ACSL6: variants seen among roughly 807,000 people sequenced by gnomAD.
The protein encoded by ACSL6 is acyl-CoA synthetase long chain family member 6.
Under a neutral mutation model 98.2 loss-of-function variants are expected in ACSL6, and 47 were observed. The ratio of observed to expected loss-of-function variants is 0.48; its 90% CI spans 0.38 to 0.61. The LOEUF (loss-of-function observed/expected upper bound fraction) is 0.61, where lower values mean the gene tolerates loss of function less well. ACSL6 is among the 20% of genes least tolerant of loss of function. The pLI, the probability that ACSL6 is intolerant of heterozygous loss-of-function variation, is 0.00. For missense variants in ACSL6, 761 were observed against 913.4 expected (o/e 0.83, Z 2.15); for synonymous variants, 362 against 336.9 (o/e 1.07, Z -0.82).
At chr5:131,986,938 C>T in intron 7 of ACSL6, 84 bp from the exon 8 acceptor site, 1 of 1,396,464 alleles carries the variant, frequency 7.2e-7, no homozygotes, top group Non-Finnish European at 1.0e-6. Context: ...CTCTTTCTCT[C>T]ACACACGCAC....
intron 4 of ACSL6, 80 bp downstream of exon 4, chr5:131,990,020 G>T (rs1181005099): frequency 6.9e-7 from 1 of 1,455,896 alleles, no homozygotes; most frequent in Admixed American, 1.9e-5. Context: ...GACCCAGCAG[G>T]TGCCCACATC....
chr5:132,006,568 ACCAGACCAT>A (rs1282055808), intron 1 of ACSL6: 1 of 152,306 alleles, frequency 6.6e-6, no homozygotes, highest in East Asian at 1.9e-4. Flanking sequence ...GGAGCATCAC[ACCAGACCAT>A]CCAGTGAGGT....
At chr5:132,004,367 T>C (rs1755267711) in intron 1 of ACSL6, among the ~76,000 whole-genome samples, 1 of 151,974 alleles carries the variant, frequency 6.6e-6, no homozygotes, top group African/African-American at 2.4e-5. Flanking sequence ...CCAGGAGAAA[T>C]AGCACAGCAA....
chr5:131,977,984 C>G (rs1212898856), intron 9 of ACSL6, among the ~76,000 whole-genome samples: 1 of 152,230 alleles, frequency 6.6e-6, no homozygotes, highest in African/African-American at 2.4e-5. Flanking sequence ...CTCAACCTAA[C>G]ACCCGAGCTA....
chr5:131,993,285 G>C (rs1432649250), intron 2 of ACSL6: 3 of 152,396 alleles, frequency 2.0e-5, no homozygotes, highest in Non-Finnish European at 2.9e-5. Flanking sequence ...GTATGTGGTG[G>C]ATATGAGTGA....
At chr5:131,959,756 C>A (rs557128140) in intron 19 of ACSL6, 149 bp from the exon 20 acceptor site, 143 of 692,260 alleles carry the variant, frequency 2.1e-4, no homozygotes, top group African/African-American at 1.8e-3. Context: ...TACTCCCTGG[C>A]AACACTCCAA....
intron 1 of ACSL6, among the ~76,000 whole-genome samples, chr5:132,010,853 C>A (rs966325757): frequency 6.6e-6 from 1 of 152,056 alleles, no homozygotes; most frequent in African/African-American, 2.4e-5. Context: ...AGCGCGGAGG[C>A]GGGATCGAGC....
At chr5:131,964,140 A>T (rs1040524700) in intron 17 of ACSL6, among the ~76,000 whole-genome samples, 2 of 152,242 alleles carry the variant, frequency 1.3e-5, no homozygotes, top group African/African-American at 4.8e-5. Flanking sequence ...TTCCAAAAAA[A>T]TGGGGAAAAA....
In ACSL6 at chr5:132,004,443, G is replaced by T. The variant is rs370835232; in HGVS notation, c.49+7062C>A. Among the ~76,000 whole-genome samples the T allele has an allele frequency of 2.8e-4, 43 of 152,276 alleles. No homozygotes were observed. In the South Asian group the frequency reaches 8.3e-3, roughly 29 times the overall value. Reference sequence around the variant, plus strand: ...TCTAGGACAAAACCACTTTGGAGTTGATTTTGAACCAACAGGTGGGTTGGT... The same window carrying T: ...TCTAGGACAAAACCACTTTGGAGTTTATTTTGAACCAACAGGTGGGTTGGT... On this transcript the variant is annotated intron_variant, in intron 1 of 20. Coordinates refer to ENST00000651883, the MANE Select transcript of ACSL6 (RefSeq NM_001009185.3).
chr5:131,954,266 G>A lies in ACSL6; in HGVS notation c.2137C>T (p.Gln713Ter). ...RPELREYFKK[Q>*]IEELYSISM ...GAGATTGAGTAAAGCTCTTCTATTT[G>A]TTTTTTGAAGTACTCTCTCAGCTCA... is the stretch of plus-strand genomic sequence containing the variant. Residue 713 changes from glutamine (Q) to a stop codon, truncating the protein, a stop_gained, in exon 21 of 21, where the codon CAA (glutamine) becomes TAA (stop). Transcript: ENST00000651883. LOFTEE classifies it high-confidence loss of function. 6.2e-7 allele frequency: 1 copy of A among 1,613,478 alleles called. No homozygotes were observed. The highest frequency in any genetic ancestry group is 8.5e-7 in the Non-Finnish European group (1 of 1,179,830).
rs1360870089 is a variant in ACSL6 at position 131,951,584 on chromosome 5, T to G, written c.*2650A>C. The stretch of plus-strand genomic sequence containing the variant: ...AAAAAGAAGAAACCTTGTTTTTGTT[T>G]TTTTTTTTTCTTTCTTTTTGAGACG... On this transcript the variant is annotated 3_prime_UTR_variant, in exon 21 of 21. Transcript: ENST00000651883. The G allele has an allele frequency of 5.5e-6, 1 of 182,700 alleles. No homozygotes were observed. Among genetic ancestry groups the G allele is most frequent in the East Asian group, 8.8e-5 (1 of 11,400 alleles). 11.3% of individuals were successfully genotyped at this position (182,700 alleles called of 1,614,324 possible).
At chr5:131,956,573 T>C (rs1221034894) in intron 20 of ACSL6, among the ~76,000 whole-genome samples, 2 of 152,182 alleles carry the variant, frequency 1.3e-5, no homozygotes, top group African/African-American at 4.8e-5. Context: ...ATTTAAATGC[T>C]TCTATGAAAA....
chr5:131,996,249 T>G (rs1288285332), intron 1 of ACSL6, among the ~76,000 whole-genome samples: 1 of 152,246 alleles, frequency 6.6e-6, no homozygotes, highest in African/African-American at 2.4e-5. Flanking sequence ...CCAATTCAGC[T>G]TCTGCATAAT....
chr5:131,972,828 G>C lies in ACSL6; in HGVS notation c.1234C>G (p.Arg412Gly). The stretch of plus-strand genomic sequence containing the variant: ...TTTGCTGCAAACTCCAGGAGCCAGC[G>C]CTTTAATGGTGTGTTTGCCTGGCTG... ...IFSQANTPLKRWLLEFAAKRK... is the reference protein window; with the variant it reads ...IFSQANTPLKGWLLEFAAKRK... The change falls in exon 13 of 21, where the codon CGC becomes GGC. Residue 412 changes from arginine to glycine, a missense_variant. Arg to Gly is a moderately radical substitution (Grantham distance 125, BLOSUM62 -2). Transcript: ENST00000651883. 6.2e-7 allele frequency: 1 copy of C among 1,614,178 alleles called. No homozygotes were observed. Among genetic ancestry groups the C allele is most frequent in the Non-Finnish European group, 8.5e-7 (1 of 1,180,036 alleles).
chr5:131,999,224 G>A (rs1754940799), intron 1 of ACSL6, among the ~76,000 whole-genome samples: 1 of 152,182 alleles, frequency 6.6e-6, no homozygotes, highest in Non-Finnish European at 1.5e-5. Flanking sequence ...ATAGCTGTGT[G>A]GCCTTGGGCA....
In ACSL6 at chr5:131,976,123, T is replaced by C. The variant is rs545792084; in HGVS notation, c.990+525A>G. ...AAAGTCCTCCTTTGTTAGCCAGTTA[T>C]AAAATGCTAACATGCTTTGGTCAGG... On this transcript the variant is annotated intron_variant, in intron 10 of 20. Coordinates refer to ENST00000651883, the MANE Select transcript of ACSL6 (RefSeq NM_001009185.3). 18 of 985,466 alleles carry C rather than the reference T, an allele frequency of 1.8e-5. 1 individual carries two copies. The East Asian group carries it at 1.8e-3, about 99-fold the overall frequency. The allele number at this position is 985,466 out of a possible 1,614,324, so 61.0% of individuals were successfully genotyped here. A position where few individuals can be genotyped will look rare whatever the true frequency, so the allele number is the denominator to read the frequency against.
chr5:131,963,364 T>C (rs552805256), intron 17 of ACSL6, among the ~76,000 whole-genome samples: 12 of 152,298 alleles, frequency 7.9e-5, no homozygotes, highest in African/African-American at 2.6e-4. Flanking sequence ...GTGGGCCTCT[T>C]TCCCCTCACC....
At chr5:131,968,315 A>G in intron 15 of ACSL6, 1 of 287,292 alleles carries the variant, frequency 3.5e-6, no homozygotes, top group East Asian at 5.9e-5. Context: ...TGGGTAGGGT[A>G]GGATGGGGGG....
intron 17 of ACSL6, among the ~76,000 whole-genome samples, chr5:131,964,472 T>G (rs898708000): frequency 1.3e-5 from 2 of 152,378 alleles, no homozygotes; most frequent in Admixed American, 6.5e-5. Flanking sequence ...TTAGGCCCTG[T>G]GCTCAAGCAC....
Sources: gnomAD v4.1 joint callset for allele counts (sites outside exome capture counted in the v4.1 genomes callset) on GRCh38, gnomAD v4.1.1 for gene constraint, MANE v1.5 for transcripts, NCBI Gene and HGNC (gene_info 2026-07-23, HGNC 2026-07-21) for gene names.